FBXO40: variants seen among roughly 807,000 people sequenced by gnomAD.
FBXO40 encodes the protein F-box only protein 40.
In FBXO40, 50 loss-of-function variants were observed where a neutral mutation model predicts 49.9. That is an observed-to-expected ratio of 1.00 (90% CI 0.80 to 1.27). The LOEUF is 1.27. FBXO40 is among the 50% of genes most tolerant of loss of function. The pLI, the probability that FBXO40 is intolerant of heterozygous loss-of-function variation, is 0.00. For synonymous variants in FBXO40, 340 were observed against 320.2 expected, an observed-to-expected ratio of 1.06 and a Z score of -0.66; for missense variants, 895 against 870.1, an observed-to-expected ratio of 1.03 and a Z score of -0.36.
chr3:121,601,213 C>G (rs900671125), intron 1 of FBXO40, among the ~76,000 whole-genome samples: 1 of 152,218 alleles, frequency 6.6e-6, no homozygotes, highest in Admixed American at 6.5e-5. Flanking sequence ...CAATTTCCCC[C>G]CCATACACAA....
intron 1 of FBXO40, among the ~76,000 whole-genome samples, chr3:121,603,755 G>A (rs1389278685): frequency 6.6e-6 from 1 of 151,854 alleles, no homozygotes; most frequent in Non-Finnish European, 1.5e-5. Context: ...GTCTCACTCT[G>A]TCGCCCAGGC....
chr3:121,613,303 T>C (rs2108848228), intron 1 of FBXO40, among the ~76,000 whole-genome samples: 1 of 152,224 alleles, frequency 6.6e-6, no homozygotes, highest in South Asian at 2.1e-4. Context: ...GAGGAACTAC[T>C]GGAGCCAGTA....
chr3:121,594,651 A>G (rs144773547), intron 1 of FBXO40, among the ~76,000 whole-genome samples: 3 of 152,296 alleles, frequency 2.0e-5, no homozygotes, highest in South Asian at 2.1e-4. Context: ...TTCTGTATAT[A>G]CTATTCAAAC....
intron 1 of FBXO40, among the ~76,000 whole-genome samples, chr3:121,617,622 A>G (rs958680340): frequency 3.9e-5 from 6 of 152,126 alleles, no homozygotes; most frequent in Admixed American, 1.3e-4. Flanking sequence ...TTTTTTAAAA[A>G]ATAAAGTTAG....
intron 1 of FBXO40, among the ~76,000 whole-genome samples, chr3:121,615,615 A>G (rs2048993617): frequency 6.6e-6 from 1 of 152,124 alleles, no homozygotes; most frequent in South Asian, 2.1e-4. Context: ...AGGAAACTAT[A>G]AGGAGCTAAA....
In FBXO40 at chr3:121,619,735, G is replaced by A. The variant is rs1027142638; in HGVS notation, c.-30-811G>A. Among the ~76,000 whole-genome samples the A allele has an allele frequency of 3.9e-5, 6 of 152,188 alleles. 1 individual carries two copies. The highest frequency in any genetic ancestry group is 2.1e-4 in the South Asian group (1 of 4,832). ...TCTCTACTGATGGGGAAACTGATGA[G>A]CGAAGAAGTGAAGTAAATTTCCCAA... On this transcript the variant is annotated intron_variant, in intron 1 of 3. Transcript: ENST00000338040.
At chr3:121,615,630 A>G (rs1003969381) in intron 1 of FBXO40, among the ~76,000 whole-genome samples, 1 of 152,134 alleles carries the variant, frequency 6.6e-6, no homozygotes, top group South Asian at 2.1e-4. Flanking sequence ...GCTAAATTAA[A>G]CTTGAAATGG....
chr3:121,619,706 CCTCT>C (rs1439663345), intron 1 of FBXO40, among the ~76,000 whole-genome samples: 1 of 152,138 alleles, frequency 6.6e-6, no homozygotes, highest in Admixed American at 6.6e-5. Context: ...CTATTATTAT[CCTCT>C]CTCTACTGAT....
At chr3:121,605,941 T>C (rs1447975045) in intron 1 of FBXO40, among the ~76,000 whole-genome samples, 1 of 152,182 alleles carries the variant, frequency 6.6e-6, no homozygotes, top group African/African-American at 2.4e-5. Flanking sequence ...CATAGTCCTG[T>C]GCCCATTGTA....
At position 121,622,706 on chromosome 3, in the gene FBXO40, T is replaced by C. The variant is rs1255885498; in HGVS notation, c.1277T>C (p.Phe426Ser). The change falls in exon 3 of 4, where the codon TTT (phenylalanine) becomes TCT (serine). Residue 426 changes from phenylalanine (F) to serine (S), a missense_variant. Physicochemically the swap from Phe to Ser is radical, Grantham distance 155. Transcript: ENST00000338040. Reference sequence around the variant, plus strand: ...AGCATTGATGGACTGTTCATGGATTTTGCCACACAAACATACAACTTTGAG... The same window carrying C: ...AGCATTGATGGACTGTTCATGGATTCTGCCACACAAACATACAACTTTGAG... The part of the protein sequence containing the change: ...SRSIDGLFMD[F>S]ATQTYNFEPE... 1.2e-6 allele frequency: 2 copies of C among 1,614,196 alleles called. No homozygotes were observed. The highest frequency in any genetic ancestry group is 1.7e-6 in the Non-Finnish European group (2 of 1,180,036).
At chr3:121,610,161 G>A (rs998832977) in intron 1 of FBXO40, among the ~76,000 whole-genome samples, 1 of 152,220 alleles carries the variant, frequency 6.6e-6, no homozygotes, top group Admixed American at 6.5e-5. Flanking sequence ...CCCAGAATGG[G>A]GCTTTCTGCC....
rs1014639354 is a variant in FBXO40 at position 121,630,218 on chromosome 3, C to T, written c.*3308C>T. ...AAATGAAGAATGAGATTGAGTATATCTGTGGTGACTGACCTCTGTATACTA... is the reference window on the plus strand; with the variant it reads ...AAATGAAGAATGAGATTGAGTATATTTGTGGTGACTGACCTCTGTATACTA... On this transcript the variant is annotated 3_prime_UTR_variant, in exon 4 of 4. Coordinates refer to ENST00000338040, the MANE Select transcript of FBXO40 (RefSeq NM_016298.4). 2 of 152,236 alleles carry T rather than the reference C, an allele frequency of 1.3e-5. No homozygotes were observed. The highest frequency in any genetic ancestry group is 4.8e-5 in the African/African-American group (2 of 41,444). The allele number at this position is 152,236 out of a possible 1,614,324, so 9.4% of individuals were successfully genotyped here.
Position 121,627,531 on chromosome 3 carries a change from A to G in FBXO40, c.*621A>G. On this transcript the variant is annotated 3_prime_UTR_variant, in exon 4 of 4. Coordinates refer to ENST00000338040, the MANE Select transcript of FBXO40 (RefSeq NM_016298.4). ...CCTTGAAGACACCACAGGCCAAAAC[A>G]TGAGGGGCAGAAATGGGATCACAGA... is the stretch of plus-strand genomic sequence containing the variant. 4.3e-6 allele frequency: 1 copy of G among 235,182 alleles called. No homozygotes were observed. The highest frequency in any genetic ancestry group is 8.1e-6 in the Non-Finnish European group (1 of 123,282). 14.6% of individuals were successfully genotyped at this position (235,182 alleles called of 1,614,324 possible).
chr3:121,596,739 C>T (rs534455380), intron 1 of FBXO40, among the ~76,000 whole-genome samples: 3 of 152,134 alleles, frequency 2.0e-5, no homozygotes, highest in Admixed American at 6.5e-5. Flanking sequence ...ATGAGGCCTA[C>T]ATTAACCTAA....
intron 3 of FBXO40, 102 bp downstream of exon 3, chr3:121,623,445 G>T (rs979392635): frequency 5.3e-6 from 5 of 944,918 alleles, no homozygotes; most frequent in Middle Eastern, 2.3e-4. Flanking sequence ...GTGCAGTGGT[G>T]CAATCACAGC....
rs1347042413 is a variant in FBXO40 at position 121,623,273 on chromosome 3, G to T, written c.1844G>T (p.Gly615Val). Residue 615 changes from glycine to valine, a missense_variant, in exon 3 of 4, where the codon GGA becomes GTA. Gly to Val is a moderately radical substitution (Grantham distance 109). Coordinates refer to ENST00000338040, the MANE Select transcript of FBXO40 (RefSeq NM_016298.4). ...TGTGCCACTTTGTTACAAGAGAGAG[G>T]AATGGTCCTTTTGCAATGGAAGAAA... ...NICATLLQERGMVLLQWKKKR... is the reference protein window; with the variant it reads ...NICATLLQERVMVLLQWKKKR... 1 of 1,614,200 alleles carries T rather than the reference G, an allele frequency of 6.2e-7. No individual in the cohort carries two copies. Among genetic ancestry groups the T allele is most frequent in the Non-Finnish European group, 8.5e-7 (1 of 1,180,030 alleles).
chr3:121,623,416 C>T (rs1261276506), intron 3 of FBXO40, 73 bp downstream of exon 3: 1 of 1,319,622 alleles, frequency 7.6e-7, no homozygotes, highest in African/African-American at 1.5e-5. Flanking sequence ...CAGGTTCTCT[C>T]TCTGTTGCCC....
intron 1 of FBXO40, among the ~76,000 whole-genome samples, chr3:121,598,391 G>A (rs890479111): frequency 3.9e-5 from 6 of 152,148 alleles, no homozygotes; most frequent in Admixed American, 1.3e-4. Flanking sequence ...GAAAAATTAC[G>A]CCTTCTGCTG....
chr3:121,622,418 A>G lies in FBXO40; in HGVS notation c.989A>G (p.Lys330Arg). 6.2e-7 allele frequency: 1 copy of G among 1,614,226 alleles called. No individual in the cohort carries two copies. ...GGTCAGATGCCTGCTTGTACACCCA[A>G]GGAGAGAGACTTTGTTTATGGCAAG... ...HFGQMPACTP[K>R]ERDFVYGKLE... Residue 330 changes from lysine (K) to arginine (R), a missense_variant, in exon 3 of 4, where the codon AAG (lysine) becomes AGG (arginine). Transcript: ENST00000338040.
Sources: gnomAD v4.1 joint callset for allele counts (sites outside exome capture counted in the v4.1 genomes callset) on GRCh38, gnomAD v4.1.1 for gene constraint, MANE v1.5 for transcripts, NCBI Gene and HGNC (gene_info 2026-07-23, HGNC 2026-07-21) for gene names.